The following RTN4IP1 variants were observed in gnomAD, a reference collection of about 807,000 sequenced individuals.
RTN4IP1 encodes reticulon 4 interacting protein 1, also known as NAD(P)H oxidoreductase RTN4IP1, mitochondrial.
Under a neutral mutation model 46.6 loss-of-function variants are expected in RTN4IP1, and 32 were observed. That is an observed-to-expected ratio of 0.69 (90% confidence interval 0.52 to 0.92). The LOEUF (loss-of-function observed/expected upper bound fraction) is 0.92. Among genes scored for constraint, RTN4IP1 ranks in the 40% least tolerant of loss-of-function variants. RTN4IP1 has a pLI of 0.00. For missense variants in RTN4IP1, 424 were observed against 485.8 expected (o/e 0.87, Z 1.20); for synonymous variants, 167 against 161.8 (o/e 1.03, Z -0.24).
intron 5 of RTN4IP1, among the ~76,000 whole-genome samples, chr6:106,597,844 G>A (rs1313789679): frequency 2.0e-5 from 3 of 151,648 alleles, no homozygotes; most frequent in African/African-American, 7.3e-5. Context: ...ATCCCTCCCC[G>A]CTCCCCGCAC....
intron 5 of RTN4IP1, among the ~76,000 whole-genome samples, chr6:106,594,183 AT>A (rs1291839827): frequency 2.6e-5 from 4 of 152,170 alleles, no homozygotes; most frequent in African/African-American, 9.7e-5. Flanking sequence ...CTTAATAAAA[AT>A]TTTTCATGTA....
intron 4 of RTN4IP1, among the ~76,000 whole-genome samples, chr6:106,605,815 CCAAAA>C (rs1776053581): frequency 4.2e-5 from 1 of 23,954 alleles, no homozygotes; most frequent in Non-Finnish European, 1.0e-4. Context: ...AGACTCTGTC[CCAAAA>C]AAAAAAAAAA....
intron 5 of RTN4IP1, among the ~76,000 whole-genome samples, chr6:106,595,914 T>C (rs1414936973): frequency 6.6e-6 from 1 of 152,196 alleles, no homozygotes; most frequent in Non-Finnish European, 1.5e-5. Flanking sequence ...ACTGTTTTTC[T>C]TTATCAGTTT....
intron 1 of RTN4IP1, among the ~76,000 whole-genome samples, chr6:106,623,208 C>A (rs990718207): frequency 6.6e-6 from 1 of 152,104 alleles, no homozygotes; most frequent in Non-Finnish European, 1.5e-5. Flanking sequence ...ACATACACAC[C>A]ATGGAATACT....
At position 106,583,385 on chromosome 6, in the gene RTN4IP1, A is replaced by G. The variant is rs1267399002; in HGVS notation, c.1026T>C (p.Phe342=). 1 of 1,613,758 alleles carries G rather than the reference A, an allele frequency of 6.2e-7. No individual in the cohort carries two copies. The highest frequency in any genetic ancestry group is 1.7e-5 in the Admixed American group (1 of 60,010). Residue 342 remains phenylalanine, a synonymous_variant, in exon 8 of 9, where the codon TTT becomes TTC. Transcript: ENST00000369063. The part of the protein sequence containing the change: ...FWKGVHYRWA[F]FMASGPCLDD... ...CTAAACATGGGCCACTGGCCATGAA[A>G]AATGCCCAGCGATAATGGACTCCTT...
At chr6:106,575,664 C>G (rs1343568919) in intron 8 of RTN4IP1, among the ~76,000 whole-genome samples, 1 of 152,180 alleles carries the variant, frequency 6.6e-6, no homozygotes, top group Non-Finnish European at 1.5e-5. Context: ...TTCCCGTTTT[C>G]CCAGTGAGAA....
At chr6:106,605,924 A>G (rs922305741) in intron 4 of RTN4IP1, among the ~76,000 whole-genome samples, 13 of 152,054 alleles carry the variant, frequency 8.5e-5, no homozygotes, top group African/African-American at 3.1e-4. Flanking sequence ...CAATAGATAC[A>G]TCTACAGGAA....
chr6:106,577,304 A>G (rs139714817), intron 8 of RTN4IP1, among the ~76,000 whole-genome samples: 474 of 151,806 alleles, frequency 3.1e-3, no homozygotes, highest in Middle Eastern at 0.017. Context: ...GGTCAGGGGC[A>G]TTCCTGTCCA....
chr6:106,583,177 T>C (rs1281952055), intron 8 of RTN4IP1, 151 bp downstream of exon 8: 4 of 599,900 alleles, frequency 6.7e-6, no homozygotes, highest in African/African-American at 1.9e-5. Context: ...ACCAAAGACA[T>C]AGCATGTAAA....
intron 5 of RTN4IP1, among the ~76,000 whole-genome samples, chr6:106,598,722 T>C (rs1775868904): frequency 6.6e-6 from 1 of 151,610 alleles, no homozygotes; most frequent in African/African-American, 2.4e-5. Context: ...TTGTCAATTT[T>C]GTCTTTTGTT....
intron 1 of RTN4IP1, among the ~76,000 whole-genome samples, chr6:106,623,642 T>C (rs1012257178): frequency 6.6e-6 from 1 of 152,262 alleles, no homozygotes; most frequent in Non-Finnish European, 1.5e-5. Context: ...TAATCACTTA[T>C]TAAACTAAAG....
chr6:106,614,096 G>A (rs1156990460), intron 4 of RTN4IP1, among the ~76,000 whole-genome samples: 1 of 152,200 alleles, frequency 6.6e-6, no homozygotes, highest in Non-Finnish European at 1.5e-5. Context: ...TGTCACAGGC[G>A]TGTCCTTAAC....
At chr6:106,617,997 A>T (rs1776394488) in intron 4 of RTN4IP1, among the ~76,000 whole-genome samples, 1 of 152,238 alleles carries the variant, frequency 6.6e-6, no homozygotes, top group South Asian at 2.1e-4. Context: ...TAATTTAAAC[A>T]AAGTGTTGAC....
At chr6:106,630,438 T>A (rs113673351), upstream of RTN4IP1, among the ~76,000 whole-genome samples, 10 of 152,352 alleles carry the variant, frequency 6.6e-5, no homozygotes, top group African/African-American at 2.4e-4. Flanking sequence ...ATCTTTCATA[T>A]CCAATAAATC....
At chr6:106,595,354 G>C (rs1377766418) in intron 5 of RTN4IP1, among the ~76,000 whole-genome samples, 1 of 152,110 alleles carries the variant, frequency 6.6e-6, no homozygotes, top group African/African-American at 2.4e-5. Flanking sequence ...GGCAAAACTA[G>C]AGGAGGCACA....
At chr6:106,621,559 G>C in intron 2 of RTN4IP1, 66 bp from the exon 3 acceptor site, 2 of 1,382,006 alleles carry the variant, frequency 1.4e-6, no homozygotes, top group Non-Finnish European at 2.1e-6. Flanking sequence ...AGCTAAGCAA[G>C]AAAGTGTTCC....
chr6:106,603,827 C>G (rs1227754805), intron 4 of RTN4IP1, among the ~76,000 whole-genome samples: 1 of 152,058 alleles, frequency 6.6e-6, no homozygotes, highest in African/African-American at 2.4e-5. Context: ...GGTTTCAAGT[C>G]CCAGAAAATT....
chr6:106,584,415 C>T (rs1003774158), intron 7 of RTN4IP1, among the ~76,000 whole-genome samples: 1 of 152,226 alleles, frequency 6.6e-6, no homozygotes, highest in Non-Finnish European at 1.5e-5. Flanking sequence ...CAACTACCCA[C>T]AACTGCGAGG....
intron 4 of RTN4IP1, among the ~76,000 whole-genome samples, chr6:106,609,548 A>G (rs565563077): frequency 6.6e-6 from 1 of 152,242 alleles, no homozygotes; most frequent in Non-Finnish European, 1.5e-5. Context: ...AAATCATCCA[A>G]TCACCATTAT....
Sources: gnomAD v4.1 joint callset for allele counts (sites outside exome capture counted in the v4.1 genomes callset) on GRCh38, gnomAD v4.1.1 for gene constraint, MANE v1.5 for transcripts, NCBI Gene and HGNC (gene_info 2026-07-23, HGNC 2026-07-21) for gene names.